The following KIRREL3 variants were observed in gnomAD, a reference collection of about 807,000 sequenced individuals.
KIRREL3 encodes kirre like nephrin family adhesion molecule 3.
KIRREL3 carries 36 observed loss-of-function variants against 89.7 expected under a neutral mutation model. That is an observed-to-expected ratio of 0.40 (90% CI 0.31 to 0.53). The LOEUF (loss-of-function observed/expected upper bound fraction) is 0.53. KIRREL3 is among the 20% of genes least tolerant of loss of function. The probability of loss-of-function intolerance (pLI) is 0.49; values close to 1 mark genes in which losing one functional copy is unlikely to be tolerated. For synonymous variants in KIRREL3, 445 were observed against 441.4 expected (o/e 1.01, Z -0.10); for missense variants, 864 against 1,056.6 (o/e 0.82, Z 2.53).
chr11:126,923,447 T>TC (rs1374439942), intron 1 of KIRREL3, among the ~76,000 whole-genome samples: 1 of 53,302 alleles, frequency 1.9e-5, no homozygotes, highest in Non-Finnish European at 3.9e-5. Flanking sequence ...TTCTCCTTCT[T>TC]TTTTTTTTTT....
At chr11:126,886,861 T>G (rs2134743797) in intron 1 of KIRREL3, among the ~76,000 whole-genome samples, 1 of 152,314 alleles carries the variant, frequency 6.6e-6, no homozygotes, top group East Asian at 1.9e-4. Context: ...GTCACATTCC[T>G]TATTCTGCCC....
intron 1 of KIRREL3, among the ~76,000 whole-genome samples, chr11:126,889,060 T>C (rs1945805796): frequency 6.6e-6 from 1 of 152,192 alleles, no homozygotes; most frequent in South Asian, 2.1e-4. Context: ...GAAGTATGAT[T>C]GCACACAATA....
At chr11:126,913,047 G>A (rs1284187382) in intron 1 of KIRREL3, among the ~76,000 whole-genome samples, 1 of 152,212 alleles carries the variant, frequency 6.6e-6, no homozygotes, top group Middle Eastern at 3.2e-3. Flanking sequence ...CAAGTGAAAT[G>A]TAGAATGTTC....
intron 1 of KIRREL3, among the ~76,000 whole-genome samples, chr11:126,854,338 C>T (rs1255255454): frequency 6.6e-6 from 1 of 152,108 alleles, no homozygotes; most frequent in East Asian, 1.9e-4. Flanking sequence ...TATGCCACTA[C>T]CACCCATCTC....
At chr11:126,787,985 A>T (rs1950531364) in intron 1 of KIRREL3, among the ~76,000 whole-genome samples, 1 of 152,210 alleles carries the variant, frequency 6.6e-6, no homozygotes, top group Admixed American at 6.5e-5. Flanking sequence ...TTCTATTATC[A>T]TCATCACCCC....
chr11:126,929,115 T>C (rs1947835942), intron 1 of KIRREL3, among the ~76,000 whole-genome samples: 1 of 152,190 alleles, frequency 6.6e-6, no homozygotes, highest in Admixed American at 6.5e-5. Context: ...AGGACACATC[T>C]GCCAACTGTG....
chr11:126,593,445 A>G (rs968561999), intron 1 of KIRREL3, among the ~76,000 whole-genome samples: 8 of 152,128 alleles, frequency 5.3e-5, no homozygotes, highest in African/African-American at 1.9e-4. Context: ...GGGACCAGGG[A>G]GGGGCCCTCG....
rs930856885 is a variant in KIRREL3, at chr11:126,994,190, T to C, written c.55+6265A>G. Among the ~76,000 whole-genome samples the C allele has an allele frequency of 6.6e-6, 1 of 151,434 alleles. No homozygotes were observed. Among genetic ancestry groups the C allele is most frequent in the African/African-American group, 2.4e-5 (1 of 40,838 alleles). ...ATCACACTGATTTAACATTAAGTGG[T>C]GTGTGCGTGTGTGTGTGTGTATGTG... On this transcript the variant is annotated intron_variant, in intron 1 of 16. Coordinates refer to ENST00000525144, the MANE Select transcript of KIRREL3 (RefSeq NM_032531.4). This position sits in a 1 kb window ranked among gnomAD's most constrained non-coding sequence, Gnocchi z 5.2.
At chr11:126,442,849 C>G (rs1252071585) in intron 10 of KIRREL3, among the ~76,000 whole-genome samples, 2 of 152,238 alleles carry the variant, frequency 1.3e-5, no homozygotes, top group Non-Finnish European at 2.9e-5. Context: ...TTCTTTGCTT[C>G]CCTCCAATCC....
intron 4 of KIRREL3, among the ~76,000 whole-genome samples, chr11:126,512,323 C>A (rs1299578166): frequency 6.6e-6 from 1 of 152,212 alleles, no homozygotes; most frequent in Non-Finnish European, 1.5e-5. Context: ...CGTGCACCAG[C>A]GCATTTGTCC....
At chr11:126,465,917 C>T (rs12798200) in intron 5 of KIRREL3, among the ~76,000 whole-genome samples, 4 of 152,188 alleles carry the variant, frequency 2.6e-5, no homozygotes, top group Non-Finnish European at 4.4e-5. Context: ...ACTAAGACTT[C>T]GGGTAGGGCG....
rs1222659091 is a variant in KIRREL3 at position 126,447,017 on chromosome 11, G to T, written c.998-131C>A. The T allele has an allele frequency of 9.7e-6, 11 of 1,129,470 alleles. 1 individual carries two copies. Among genetic ancestry groups the T allele is most frequent in the Non-Finnish European group, 1.2e-5 (10 of 802,746 alleles). 70.0% of individuals were successfully genotyped at this position (1,129,470 alleles called of 1,614,324 possible). On this transcript the variant is annotated intron_variant, in intron 8 of 16. Transcript: ENST00000525144. ...GCAGTGGGGTACTTGTGCCACCTCA[G>T]TCGCTTCCATTTTAAGTCTTATGTC...
intron 5 of KIRREL3, among the ~76,000 whole-genome samples, chr11:126,469,646 C>G (rs886674610): frequency 5.9e-5 from 9 of 152,174 alleles, no homozygotes; most frequent in Non-Finnish European, 1.2e-4. Context: ...TGCTGGTCAC[C>G]CCTTTGGTCT....
In KIRREL3 at chr11:126,443,367, G is replaced by A. The variant is rs1955661124; in HGVS notation, c.1252+1612C>T. Among the ~76,000 whole-genome samples the A allele has an allele frequency of 1.3e-5, 2 of 152,218 alleles. No individual in the cohort carries two copies. The highest frequency in any genetic ancestry group is 4.1e-4 in the South Asian group (2 of 4,836). On this transcript the variant is annotated intron_variant, in intron 10 of 16. Coordinates refer to ENST00000525144, the MANE Select transcript of KIRREL3 (RefSeq NM_032531.4). The surrounding 1 kb of genome is among the most constrained non-coding windows in gnomAD (Gnocchi z 7.3). ...CGAGTGTCAGACACCTGCGCTGAAA[G>A]GAAAAGGCTGCAGCCTGTGTTGCCA...
At position 126,932,944 on chromosome 11, in the gene KIRREL3, C is replaced by T. The variant is rs140364845; in HGVS notation, c.55+67511G>A. 8.8e-4 allele frequency among the ~76,000 whole-genome samples: 134 copies of T among 152,222 alleles called. 1 individual carries two copies. Among genetic ancestry groups the T allele is most frequent in the African/African-American group, 3.1e-3 (130 of 41,542 alleles). ...AAATAATGAGGGATTATTTAAAAGACACTTCGCTGGAGAGAAGGAGACATG... is the reference window on the plus strand; with the variant it reads ...AAATAATGAGGGATTATTTAAAAGATACTTCGCTGGAGAGAAGGAGACATG... On this transcript the variant is annotated intron_variant, in intron 1 of 16. Transcript: ENST00000525144.
chr11:126,799,410 GTGTGCGTCTC>G (rs1208789831), intron 1 of KIRREL3, among the ~76,000 whole-genome samples: 16 of 101,552 alleles, frequency 1.6e-4, no homozygotes, highest in South Asian at 3.8e-4. Context: ...ATCTATCTGT[GTGTGCGTCTC>G]TGTGTGCATG....
intron 1 of KIRREL3, among the ~76,000 whole-genome samples, chr11:126,716,878 C>T (rs1947987857): frequency 1.3e-5 from 2 of 152,116 alleles, no homozygotes; most frequent in South Asian, 4.2e-4. Context: ...TTCCTTTCCC[C>T]TGCTTGTTGG....
chr11:126,787,693 TC>T (rs1446467392), intron 1 of KIRREL3, among the ~76,000 whole-genome samples: 1 of 152,242 alleles, frequency 6.6e-6, no homozygotes, highest in Non-Finnish European at 1.5e-5. Context: ...TCTTGTTATT[TC>T]TTTTCCCTTT....
chr11:126,952,866 T>G (rs759126520), intron 1 of KIRREL3, among the ~76,000 whole-genome samples: 3 of 152,200 alleles, frequency 2.0e-5, no homozygotes, highest in Non-Finnish European at 4.4e-5. Context: ...GAAATAGGAA[T>G]GCTTTTACAC....
Sources: gnomAD v4.1 joint callset for allele counts (sites outside exome capture counted in the v4.1 genomes callset) on GRCh38, gnomAD v4.1.1 for gene constraint, Gnocchi (gnomAD v3.1) non-coding constraint, MANE v1.5 for transcripts, NCBI Gene and HGNC (gene_info 2026-07-23, HGNC 2026-07-21) for gene names.